BCKDHB: variants seen among roughly 807,000 people sequenced by gnomAD.
BCKDHB encodes branched chain keto acid dehydrogenase E1 subunit beta, also known as 2-oxoisovalerate dehydrogenase subunit beta, mitochondrial.
A neutral mutation model predicts 48.5 loss-of-function variants in BCKDHB; 41 were observed. That is an observed-to-expected ratio of 0.85 (90% CI 0.66 to 1.10). The LOEUF is 1.10. Ranked by LOEUF, BCKDHB falls within the 50% of genes least tolerant of loss-of-function variation. The pLI is 0.00. For synonymous variants in BCKDHB, 201 were observed against 174.8 expected, an observed-to-expected ratio of 1.15 and a Z score of -1.18; for missense variants, 496 against 494.2, an observed-to-expected ratio of 1.00 and a Z score of -0.03.
At chr6:80,346,934 C>T (rs1158714370), downstream of BCKDHB, among the ~76,000 whole-genome samples, 3 of 97,028 alleles carry the variant, frequency 3.1e-5, no homozygotes, top group South Asian at 4.9e-4. Flanking sequence ...AAGGTCTCTA[C>T]CCCCATAAAG....
At chr6:80,349,832 CTT>C (rs539355990), downstream of BCKDHB, among the ~76,000 whole-genome samples, 126 of 152,184 alleles carry the variant, frequency 8.3e-4, no homozygotes, top group African/African-American at 2.8e-3. Context: ...TAGAAGATGA[CTT>C]TATCACTTTA....
intron 1 of BCKDHB, among the ~76,000 whole-genome samples, chr6:80,124,537 T>A (rs1014180430): frequency 6.6e-6 from 1 of 152,178 alleles, no homozygotes; most frequent in Non-Finnish European, 1.5e-5. Context: ...TCTTTGTAGG[T>A]CTCTAAGGAC....
At chr6:80,298,012 C>T (rs546645292) in intron 9 of BCKDHB, among the ~76,000 whole-genome samples, 1 of 151,980 alleles carries the variant, frequency 6.6e-6, no homozygotes, top group Non-Finnish European at 1.5e-5. Flanking sequence ...GCTGCCTCCT[C>T]TGTTTTTTTC....
At chr6:80,167,887 T>G in intron 4 of BCKDHB, 76 bp downstream of exon 4, 1 of 1,391,464 alleles carries the variant, frequency 7.2e-7, no homozygotes, top group Non-Finnish European at 1.0e-6. Flanking sequence ...CCACCCACCC[T>G]TACCTGCATT....
At chr6:80,213,677 T>G (rs1775045912) in intron 8 of BCKDHB, among the ~76,000 whole-genome samples, 1 of 151,980 alleles carries the variant, frequency 6.6e-6, no homozygotes, top group South Asian at 2.1e-4. Context: ...TGTTTTTTTT[T>G]TTTTAATTTT....
At chr6:80,198,475 A>G (rs577377109) in intron 6 of BCKDHB, among the ~76,000 whole-genome samples, 14 of 152,318 alleles carry the variant, frequency 9.2e-5, no homozygotes, top group African/African-American at 4.8e-5. Context: ...AATCATTTAA[A>G]TGATATTAAG....
chr6:80,356,054 C>T, the BCKDHB span: 1 of 152,210 alleles, frequency 6.6e-6, no homozygotes, highest in East Asian at 1.9e-4. Context: ...AGCTGTTCAT[C>T]AGACAAGTGA....
chr6:80,203,245 C>A, intron 8 of BCKDHB, 33 bp downstream of exon 8: 1 of 1,464,066 alleles, frequency 6.8e-7, no homozygotes, highest in Non-Finnish European at 9.6e-7. Context: ...ATGTCATTTC[C>A]CTGAAACCTT....
At chr6:80,377,040 A>ATTTTTTTTTTTTTTTTT in the BCKDHB span, among the ~76,000 whole-genome samples, 1 of 133,278 alleles carries the variant, frequency 7.5e-6, no homozygotes, top group Non-Finnish European at 1.6e-5. Flanking sequence ...AAGGCTTTTA[A>ATTTTTTTTTTTTTTTTT]TTTTTTTTTT....
chr6:80,202,589 G>A (rs1774446107), intron 7 of BCKDHB, among the ~76,000 whole-genome samples: 1 of 151,864 alleles, frequency 6.6e-6, no homozygotes, highest in Non-Finnish European at 1.5e-5. Flanking sequence ...TGTGATACTG[G>A]CTGCTATCCC....
At chr6:80,343,621 TA>T (rs554612442) in intron 9 of BCKDHB, 42 bp from the exon 10 acceptor site, 9 of 1,607,060 alleles carry the variant, frequency 5.6e-6, no homozygotes, top group Non-Finnish European at 6.8e-6. Context: ...TTTCTGTGAG[TA>T]AAAAAAATTC....
chr6:80,329,886 C>A (rs1344656328), intron 9 of BCKDHB, among the ~76,000 whole-genome samples: 1 of 152,106 alleles, frequency 6.6e-6, no homozygotes, highest in Non-Finnish European at 1.5e-5. Flanking sequence ...AAACACCTTC[C>A]CCCAACTAAA....
chr6:80,180,486 T>G (rs1182588805), intron 6 of BCKDHB, among the ~76,000 whole-genome samples: 2 of 152,212 alleles, frequency 1.3e-5, no homozygotes, highest in Non-Finnish European at 2.9e-5. Flanking sequence ...TTGGTTTTAC[T>G]TAATTGAATG....
intron 3 of BCKDHB, among the ~76,000 whole-genome samples, chr6:80,151,189 A>G (rs1582240106): frequency 6.6e-6 from 1 of 152,218 alleles, no homozygotes; most frequent in Non-Finnish European, 1.5e-5. Context: ...GATACATCTT[A>G]TTGATGTGTT....
chr6:80,407,543 T>C, the BCKDHB span, among the ~76,000 whole-genome samples: 1 of 152,182 alleles, frequency 6.6e-6, no homozygotes, highest in African/African-American at 2.4e-5. Context: ...TGAGCAGTGG[T>C]TTGTAGTTCT....
At chr6:80,135,875 C>G (rs1016217067) in intron 3 of BCKDHB, 7 of 152,134 alleles carry the variant, frequency 4.6e-5, no homozygotes, top group African/African-American at 1.7e-4. Flanking sequence ...TACTTTCTAT[C>G]TCTATGAATT....
chr6:80,227,890 A>T (rs1457611821), intron 8 of BCKDHB, among the ~76,000 whole-genome samples: 1 of 152,196 alleles, frequency 6.6e-6, no homozygotes, highest in Admixed American at 6.5e-5. Context: ...CCATAGAAAG[A>T]ACCCACTGTA....
chr6:80,379,810 G>A, the BCKDHB span, among the ~76,000 whole-genome samples: 2 of 151,864 alleles, frequency 1.3e-5, no homozygotes, highest in Non-Finnish European at 2.9e-5. Context: ...AATGTTCAAA[G>A]TGAGAACCAA....
chr6:80,223,811 C>G (rs1775563842), intron 8 of BCKDHB, among the ~76,000 whole-genome samples: 1 of 152,106 alleles, frequency 6.6e-6, no homozygotes, highest in Non-Finnish European at 1.5e-5. Context: ...TTTCGTATGT[C>G]TCTCCGTGTG....
Sources: allele counts gnomAD v4.1 joint callset (sites outside exome capture counted in the v4.1 genomes callset), GRCh38; gene constraint gnomAD v4.1.1; transcripts MANE v1.5; gene names NCBI Gene and HGNC (gene_info 2026-07-23, HGNC 2026-07-21).